The following TENM2 variants were observed in gnomAD, a reference collection of about 807,000 sequenced individuals.
TENM2 encodes the protein teneurin-2.
In TENM2, 52 loss-of-function variants were observed where a neutral mutation model predicts 245.2. The observed-to-expected ratio is 0.21, with a 90% confidence interval of 0.17 to 0.27. The LOEUF (loss-of-function observed/expected upper bound fraction) is 0.27, where lower values mean the gene tolerates loss of function less well. Among genes scored for constraint, TENM2 ranks in the 10% least tolerant of loss-of-function variants. The probability of loss-of-function intolerance (pLI) is 1.00; values close to 1 mark genes in which losing one functional copy is unlikely to be tolerated. For missense variants in TENM2, 3,046 were observed against 3,666.8 expected (o/e 0.83, Z 4.37); for synonymous variants, 1,363 against 1,438.9 (o/e 0.95, Z 1.19).
the TENM2 span, among the ~76,000 whole-genome samples, chr5:167,172,087 C>T: frequency 3.7e-4 from 57 of 152,282 alleles, no homozygotes; most frequent in African/African-American, 1.2e-3. Flanking sequence ...AACAAGCCAT[C>T]GTGTCTTCTC....
chr5:167,247,133 T>G, the TENM2 span, among the ~76,000 whole-genome samples: 1 of 152,188 alleles, frequency 6.6e-6, no homozygotes, highest in African/African-American at 2.4e-5. Flanking sequence ...CTGCCTTATT[T>G]GATCCTCCCA....
At chr5:167,754,661 G>T (rs1263685401) in intron 2 of TENM2, among the ~76,000 whole-genome samples, 1 of 147,158 alleles carries the variant, frequency 6.8e-6, no homozygotes, top group African/African-American at 2.5e-5. Flanking sequence ...GAAAACAACA[G>T]AAATTGTGCA....
chr5:167,176,263 TTTG>T, the TENM2 span, among the ~76,000 whole-genome samples: 3 of 152,200 alleles, frequency 2.0e-5, no homozygotes, highest in Non-Finnish European at 4.4e-5. Flanking sequence ...TCCGAAACTT[TTTG>T]TTGTTGTTGT....
the TENM2 span, among the ~76,000 whole-genome samples, chr5:167,049,287 C>T: frequency 1.8e-4 from 28 of 152,286 alleles, no homozygotes; most frequent in Middle Eastern, 3.4e-3. Flanking sequence ...AAATGACACA[C>T]GAGTCACGTG....
intron 12 of TENM2, among the ~76,000 whole-genome samples, chr5:168,132,887 A>G (rs1400824704): frequency 1.3e-5 from 2 of 152,220 alleles, no homozygotes; most frequent in Admixed American, 1.3e-4. Flanking sequence ...GGGAAAACAA[A>G]GTGGTTCCTG....
At chr5:167,595,062 T>G (rs1261119961) in intron 2 of TENM2, among the ~76,000 whole-genome samples, 1 of 152,194 alleles carries the variant, frequency 6.6e-6, no homozygotes, top group East Asian at 1.9e-4. Context: ...CTTTCTGGGT[T>G]CTTCATTTGG....
chr5:168,131,595 G>A (rs1479427124), intron 12 of TENM2, among the ~76,000 whole-genome samples: 1 of 152,202 alleles, frequency 6.6e-6, no homozygotes, highest in Non-Finnish European at 1.5e-5. Flanking sequence ...AGTAGACAGG[G>A]TCACAGTCCA....
chr5:167,200,200 T>C, the TENM2 span, among the ~76,000 whole-genome samples: 96 of 152,232 alleles, frequency 6.3e-4, no homozygotes, highest in African/African-American at 2.3e-3. Flanking sequence ...AGCATTTAAT[T>C]TGAAACTAAA....
At chr5:167,516,700 T>A (rs1770401747) in intron 2 of TENM2, among the ~76,000 whole-genome samples, 1 of 152,216 alleles carries the variant, frequency 6.6e-6, no homozygotes, top group South Asian at 2.1e-4. Flanking sequence ...CTTCCTGAGT[T>A]GTGTTCCTGC....
chr5:167,208,086 T>G, the TENM2 span, among the ~76,000 whole-genome samples: 8 of 152,144 alleles, frequency 5.3e-5, no homozygotes, highest in Admixed American at 5.2e-4. Flanking sequence ...AGTCTTTCAT[T>G]GCATTTAATA....
rs1174936222 is a variant in TENM2, at chr5:168,218,024, G to C, written c.4234-101G>C. 1.6e-6 allele frequency: 2 copies of C among 1,289,286 alleles called. No homozygotes were observed. Among genetic ancestry groups the C allele is most frequent in the East Asian group, 4.7e-5 (2 of 42,942 alleles). The allele number at this position is 1,289,286 out of a possible 1,614,324, so 79.9% of individuals were successfully genotyped here. A position where few individuals can be genotyped will look rare whatever the true frequency, so the allele number is the denominator to read the frequency against. ...TTCTAATACAATGTGTTATTAAAAA[G>C]CTGTCTTTTTTCCTAGATATATAAA... On this transcript the variant is annotated intron_variant, in intron 22 of 28. Transcript: ENST00000518659. The surrounding 1 kb of genome is among the most constrained non-coding windows in gnomAD (Gnocchi z 5.2).
the TENM2 span, among the ~76,000 whole-genome samples, chr5:167,194,620 G>C: frequency 6.6e-6 from 1 of 151,974 alleles, no homozygotes; most frequent in Non-Finnish European, 1.5e-5. Context: ...ACGGTGAGAA[G>C]GAACAGGGGG....
chr5:167,359,179 C>T (rs1330683182), intron 1 of TENM2, among the ~76,000 whole-genome samples: 2 of 152,164 alleles, frequency 1.3e-5, no homozygotes, highest in Admixed American at 6.5e-5. Flanking sequence ...CAAAACAATG[C>T]AATGGCTATT....
chr5:167,394,714 A>G (rs1398784159), intron 2 of TENM2, among the ~76,000 whole-genome samples: 1 of 151,864 alleles, frequency 6.6e-6, no homozygotes, highest in African/African-American at 2.4e-5. Flanking sequence ...TCCTGCCTCA[A>G]TCTCCCGAAT....
Position 167,446,200 on chromosome 5 carries a change from G to A in TENM2, c.502+70727G>A, listed in dbSNP as rs148062863. Among the ~76,000 whole-genome samples, 6 of 152,224 alleles carry A rather than the reference G, an allele frequency of 3.9e-5. No homozygotes were observed. In the East Asian group the frequency reaches 1.2e-3, roughly 29 times the overall value. ...AGTTTGAATTTAGTGTTTTGTCAAA[G>A]GTTTTTCTCCTCCTGGACTCTGAAA... On this transcript the variant is annotated intron_variant, in intron 2 of 28. Transcript: ENST00000518659.
the TENM2 span, among the ~76,000 whole-genome samples, chr5:167,049,985 C>G: frequency 6.6e-6 from 1 of 152,102 alleles, no homozygotes; most frequent in Non-Finnish European, 1.5e-5. Context: ...TAAAGTTACC[C>G]AGTAATGAGT....
the TENM2 span, among the ~76,000 whole-genome samples, chr5:167,136,406 G>C: frequency 6.6e-6 from 1 of 152,152 alleles, no homozygotes; most frequent in Admixed American, 6.5e-5. Flanking sequence ...ATGCCACCAG[G>C]TTGGTTTATC....
At chr5:168,139,613 A>G in intron 12 of TENM2, 1 of 455,686 alleles carries the variant, frequency 2.2e-6, no homozygotes, top group South Asian at 1.6e-5. Flanking sequence ...GGCACTATGA[A>G]TTAAGTATCT....
exon 25 of TENM2, chr5:168,228,005 A>G (rs894841944): frequency 6.2e-7 from 1 of 1,613,864 alleles, no homozygotes; most frequent in Non-Finnish European, 8.5e-7. Flanking sequence ...AGCGGGCACC[A>G]TCACCCCCAC....
Sources: allele counts gnomAD v4.1 joint callset (sites outside exome capture counted in the v4.1 genomes callset), GRCh38; gene constraint gnomAD v4.1.1; non-coding constraint Gnocchi (gnomAD v3.1); transcripts MANE v1.5; gene names NCBI Gene and HGNC (gene_info 2026-07-23, HGNC 2026-07-21).